Variants in NRG1 observed in about 807,000 individuals in gnomAD.
NRG1 encodes the protein neuregulin 1.
A neutral mutation model predicts 63.8 loss-of-function variants in NRG1; 18 were observed. The observed-to-expected ratio is 0.28, with a 90% CI of 0.19 to 0.42. NRG1 has a LOEUF of 0.42. NRG1 is among the 10% of genes least tolerant of loss of function. The pLI is 1.00. For missense variants in NRG1, 762 were observed against 814.7 expected (o/e 0.94, Z 0.79); for synonymous variants, 302 against 301.3 (o/e 1.00, Z -0.02).
chr8:32,267,717 T>G (rs1851127569), intron 1 of NRG1, among the ~76,000 whole-genome samples: 1 of 152,198 alleles, frequency 6.6e-6, no homozygotes, highest in South Asian at 2.1e-4. Flanking sequence ...TATTGGTAAT[T>G]CAGATAATCT....
chr8:32,434,524 G>T (rs1290891174), intron 1 of NRG1, among the ~76,000 whole-genome samples: 2 of 152,140 alleles, frequency 1.3e-5, no homozygotes, highest in Non-Finnish European at 2.9e-5. Context: ...TAATGCCCCA[G>T]AAGCCCAGAT....
downstream of NRG1, among the ~76,000 whole-genome samples, chr8:32,772,825 A>AAG (rs1831896964): frequency 6.6e-6 from 1 of 152,160 alleles, no homozygotes; most frequent in Admixed American, 6.6e-5. Flanking sequence ...GAAAGAGAGA[A>AAG]AATGCTGTGC....
At chr8:32,132,464 T>A (rs527786437) in intron 1 of NRG1, among the ~76,000 whole-genome samples, 99 of 152,186 alleles carry the variant, frequency 6.5e-4, no homozygotes, top group African/African-American at 2.3e-3. Flanking sequence ...AACAGAATGT[T>A]CTGTAGCCCA....
intron 1 of NRG1, among the ~76,000 whole-genome samples, chr8:32,375,961 C>T (rs186750779): frequency 6.6e-6 from 1 of 152,308 alleles, no homozygotes; most frequent in East Asian, 1.9e-4. Flanking sequence ...ATAAACTTCA[C>T]TCTTAGCTTT....
In NRG1 at chr8:32,363,455, A is replaced by G. The variant is rs188128440; in HGVS notation, c.38-232373A>G. On this transcript the variant is annotated intron_variant, in intron 1 of 10. Transcript: ENST00000519301. Reference sequence around the variant, plus strand: ...CTTGGTATACGGGTATTAAAATACTAGTATAATTTCTCTAACGGGAGTATG... The same window carrying G: ...CTTGGTATACGGGTATTAAAATACTGGTATAATTTCTCTAACGGGAGTATG... Among the ~76,000 whole-genome samples, 468 of 152,310 alleles carry G rather than the reference A, an allele frequency of 3.1e-3. 3 individuals carry two copies. The highest frequency in any genetic ancestry group is 6.8e-3 in the Middle Eastern group (2 of 294).
intron 1 of NRG1, among the ~76,000 whole-genome samples, chr8:32,114,607 A>G (rs1832461202): frequency 6.6e-6 from 1 of 152,188 alleles, no homozygotes; most frequent in Non-Finnish European, 1.5e-5. Context: ...AAGGAAGAGC[A>G]GAAGAATTTT....
At chr8:32,247,806 T>A (rs552015890) in intron 1 of NRG1, among the ~76,000 whole-genome samples, 1 of 152,234 alleles carries the variant, frequency 6.6e-6, no homozygotes, top group South Asian at 2.1e-4. Flanking sequence ...TAGGAAGTTA[T>A]TTTAAGACAT....
chr8:32,078,793 G>A (rs1011618479), intron 1 of NRG1, among the ~76,000 whole-genome samples: 1 of 152,016 alleles, frequency 6.6e-6, no homozygotes, highest in Admixed American at 6.6e-5. Context: ...CTCCTGTTTA[G>A]TTCCATGAAT....
chr8:31,927,598 G>A (rs1182178554), intron 1 of NRG1, among the ~76,000 whole-genome samples: 4 of 149,796 alleles, frequency 2.7e-5, no homozygotes, highest in Admixed American at 1.3e-4. Context: ...ACAGGCGCCC[G>A]CCACTACGCC....
At chr8:32,363,299 A>C (rs573645167) in intron 1 of NRG1, among the ~76,000 whole-genome samples, 2 of 152,220 alleles carry the variant, frequency 1.3e-5, no homozygotes, top group South Asian at 4.1e-4. Context: ...CCTCCTCACT[A>C]TGTTGCTGTG....
chr8:31,929,698 C>G (rs1409444246), intron 1 of NRG1, among the ~76,000 whole-genome samples: 1 of 152,114 alleles, frequency 6.6e-6, no homozygotes, highest in African/African-American at 2.4e-5. Flanking sequence ...CATATAACTT[C>G]CTGTTATCCT....
chr8:31,980,935 C>T (rs375044769), intron 1 of NRG1, among the ~76,000 whole-genome samples: 187 of 151,906 alleles, frequency 1.2e-3, no homozygotes, highest in African/African-American at 4.2e-3. Context: ...AAGTAGCAAT[C>T]GAGGAATGAC....
intron 5 of NRG1, among the ~76,000 whole-genome samples, chr8:32,655,635 T>G (rs187873542): frequency 1.3e-5 from 2 of 152,286 alleles, no homozygotes; most frequent in Admixed American, 1.3e-4. Context: ...CTTTACTAAT[T>G]TCTTGAGCCC....
chr8:31,773,044 C>T (rs1296559781), intron 1 of NRG1, among the ~76,000 whole-genome samples: 1 of 152,142 alleles, frequency 6.6e-6, no homozygotes, highest in Admixed American at 6.5e-5. Context: ...ACTGAGCTGA[C>T]AGTATGGAAG....
chr8:32,457,281 CT>C (rs1168586418), intron 1 of NRG1, among the ~76,000 whole-genome samples: 2 of 152,206 alleles, frequency 1.3e-5, no homozygotes, highest in Non-Finnish European at 2.9e-5. Flanking sequence ...TTGTCAGATA[CT>C]GTTCCACATA....
intron 1 of NRG1, among the ~76,000 whole-genome samples, chr8:31,769,337 G>C (rs1818391110): frequency 6.6e-6 from 1 of 152,130 alleles, no homozygotes; most frequent in African/African-American, 2.4e-5. Flanking sequence ...TCATCGTTTT[G>C]TGAACTATGA....
intron 1 of NRG1, among the ~76,000 whole-genome samples, chr8:31,841,122 G>A (rs1203438398): frequency 1.3e-5 from 2 of 152,000 alleles, no homozygotes; most frequent in East Asian, 1.9e-4. Context: ...TGCCTAGAAT[G>A]TAGTTGGATC....
At chr8:32,389,751 C>T (rs1485089141) in intron 1 of NRG1, among the ~76,000 whole-genome samples, 1 of 97,956 alleles carries the variant, frequency 1.0e-5, no homozygotes, top group East Asian at 2.1e-4. Flanking sequence ...TTCTTTCAGT[C>T]TTTCTTTCTT....
At chr8:32,549,012 A>G (rs1455795696) in intron 1 of NRG1, among the ~76,000 whole-genome samples, 186 bp downstream of exon 1, 3 of 152,148 alleles carry the variant, frequency 2.0e-5, no homozygotes, top group Non-Finnish European at 4.4e-5. Context: ...CTGGGCGCCG[A>G]GTCCTACCGG....
Sources: allele counts gnomAD v4.1 joint callset (sites outside exome capture counted in the v4.1 genomes callset), GRCh38; gene constraint gnomAD v4.1.1; transcripts MANE v1.5; gene names NCBI Gene and HGNC (gene_info 2026-07-23, HGNC 2026-07-21).